Variants in CLVS1 observed in about 807,000 individuals in gnomAD.
CLVS1 encodes clavesin-1.
Under a neutral mutation model 33.1 loss-of-function variants are expected in CLVS1, and 10 were observed. The ratio of observed to expected loss-of-function variants is 0.30; its 90% confidence interval spans 0.19 to 0.51. The LOEUF (loss-of-function observed/expected upper bound fraction) is 0.51. CLVS1 is among the 20% of genes least tolerant of loss of function. CLVS1 has a pLI of 0.97. For synonymous variants in CLVS1, 163 were observed against 166.1 expected (o/e 0.98, Z 0.14); for missense variants, 343 against 433.4 (o/e 0.79, Z 1.85).
chr8:61,277,148 G>A (rs1247624629), intron 2 of CLVS1, among the ~76,000 whole-genome samples: 1 of 152,090 alleles, frequency 6.6e-6, no homozygotes, highest in Non-Finnish European at 1.5e-5. Context: ...AGTATACCAG[G>A]CATGTTCTAA....
At position 61,063,464 on chromosome 8, in the gene CLVS1, C is replaced by T. The variant is rs1011562287; in HGVS notation, c.-243+6234C>T. ...GAGACAGGGACCTGTGCACGTCAAGCGCAGAGACATCTAGAAGCGACACAG... is the reference window on the plus strand; with the variant it reads ...GAGACAGGGACCTGTGCACGTCAAGTGCAGAGACATCTAGAAGCGACACAG... On this transcript the variant is annotated intron_variant, in intron 1 of 2. Transcript: ENST00000522621. 6.6e-5 allele frequency among the ~76,000 whole-genome samples: 10 copies of T among 152,016 alleles called. 1 individual carries two copies. The highest frequency in any genetic ancestry group is 2.1e-4 in the South Asian group (1 of 4,810).
chr8:61,072,802 A>G (rs1001245407), intron 1 of CLVS1, among the ~76,000 whole-genome samples: 1 of 152,256 alleles, frequency 6.6e-6, no homozygotes, highest in Admixed American at 6.5e-5. Flanking sequence ...GCTAGAGAAC[A>G]AACCATTTTC....
intron 3 of CLVS1, among the ~76,000 whole-genome samples, chr8:61,433,941 T>TA (rs112113590): frequency 1.5e-3 from 219 of 141,936 alleles, no homozygotes; most frequent in African/African-American, 1.4e-3. Flanking sequence ...TATCATTCAT[T>TA]AAAAAAAAAA....
chr8:61,129,788 C>T (rs1806053936), intron 1 of CLVS1, among the ~76,000 whole-genome samples: 2 of 152,200 alleles, frequency 1.3e-5, no homozygotes, highest in African/African-American at 2.4e-5. Flanking sequence ...AGTATCATCA[C>T]CTTGGAGGTT....
chr8:61,321,649 G>T (rs1265623829), intron 2 of CLVS1, among the ~76,000 whole-genome samples: 1 of 152,044 alleles, frequency 6.6e-6, no homozygotes, highest in Non-Finnish European at 1.5e-5. Context: ...TGCTATACAG[G>T]TCTATGCAGT....
intron 2 of CLVS1, among the ~76,000 whole-genome samples, chr8:61,368,163 GA>G (rs1813291502): frequency 6.6e-6 from 1 of 152,190 alleles, no homozygotes; most frequent in South Asian, 2.1e-4. Context: ...AACATCTAGG[GA>G]AATTAACTGT....
At chr8:61,392,161 T>G (rs1814328542) in intron 3 of CLVS1, among the ~76,000 whole-genome samples, 1 of 152,142 alleles carries the variant, frequency 6.6e-6, no homozygotes, top group Non-Finnish European at 1.5e-5. Flanking sequence ...AGACTCCATC[T>G]TTACACAAAA....
chr8:61,074,293 C>G (rs1804858472), intron 1 of CLVS1, among the ~76,000 whole-genome samples: 1 of 149,122 alleles, frequency 6.7e-6, no homozygotes, highest in Non-Finnish European at 1.5e-5. Context: ...AACCATGATC[C>G]CATCACTGCA....
intron 2 of CLVS1, among the ~76,000 whole-genome samples, chr8:61,166,416 G>A (rs565019539): frequency 1.2e-4 from 19 of 152,068 alleles, no homozygotes; most frequent in Non-Finnish European, 2.2e-4. Context: ...TTACACGTGT[G>A]AGCCACCGTG....
chr8:61,223,176 C>T (rs1054153249), intron 2 of CLVS1, among the ~76,000 whole-genome samples: 49 of 152,076 alleles, frequency 3.2e-4, no homozygotes, highest in African/African-American at 9.2e-4. Context: ...AGCCCATTTA[C>T]ATTTAAGGTT....
chr8:61,252,158 C>T (rs997198453), intron 2 of CLVS1, among the ~76,000 whole-genome samples: 1 of 152,082 alleles, frequency 6.6e-6, no homozygotes, highest in Non-Finnish European at 1.5e-5. Context: ...TTATTTCTGC[C>T]TTCATTTTGT....
At chr8:60,995,371 T>C in the CLVS1 span, among the ~76,000 whole-genome samples, 2,934 of 151,888 alleles carry the variant, frequency 0.019, 82 homozygotes, top group African/African-American at 0.062. Context: ...AGACACTTCT[T>C]AAAAGAAGAC....
At chr8:61,178,784 C>T (rs2129300018) in intron 2 of CLVS1, among the ~76,000 whole-genome samples, 1 of 152,224 alleles carries the variant, frequency 6.6e-6, no homozygotes, top group South Asian at 2.1e-4. Context: ...CCTTTCCAGA[C>T]AAGCAAATGC....
chr8:61,012,631 G>A, the CLVS1 span, among the ~76,000 whole-genome samples: 2 of 152,188 alleles, frequency 1.3e-5, no homozygotes, highest in Non-Finnish European at 2.9e-5. Context: ...GAGGGCCAAT[G>A]TTTAGGGGTA....
Position 61,239,335 on chromosome 8 carries a change from T to C in CLVS1, c.-151-60342T>C, listed in dbSNP as rs148959675. 7.6e-3 allele frequency among the ~76,000 whole-genome samples: 1,163 copies of C among 152,338 alleles called. 16 individuals carry two copies. The highest frequency in any genetic ancestry group is 0.026 in the African/African-American group (1,090 of 41,574). ...TGGAATCACATGTAGAATTTCTGCA[T>C]ATTTCTTTTGTGATTTCTTTTATTG... On this transcript the variant is annotated intron_variant, in intron 2 of 2. Transcript: ENST00000522621.
chr8:61,389,585 C>A (rs934317174), intron 3 of CLVS1, among the ~76,000 whole-genome samples: 1 of 151,766 alleles, frequency 6.6e-6, no homozygotes, highest in Non-Finnish European at 1.5e-5. Flanking sequence ...GGAAGAAACA[C>A]GAATAACATA....
At chr8:61,017,782 TG>T in the CLVS1 span, among the ~76,000 whole-genome samples, 1 of 152,116 alleles carries the variant, frequency 6.6e-6, no homozygotes, top group Non-Finnish European at 1.5e-5. Context: ...AGATCAGGGC[TG>T]GGGGGGCTCC....
chr8:61,446,121 T>C (rs1816752015), intron 3 of CLVS1, among the ~76,000 whole-genome samples: 1 of 152,152 alleles, frequency 6.6e-6, no homozygotes, highest in Non-Finnish European at 1.5e-5. Context: ...CTTTGTTTCA[T>C]AGATTTTATT....
intron 2 of CLVS1, among the ~76,000 whole-genome samples, chr8:61,163,177 A>G (rs905188643): frequency 1.3e-5 from 2 of 152,194 alleles, no homozygotes; most frequent in East Asian, 3.8e-4. Context: ...GACCAGAGAC[A>G]CTGCACAGAC....
Sources: allele counts gnomAD v4.1 joint callset (sites outside exome capture counted in the v4.1 genomes callset), GRCh38; gene constraint gnomAD v4.1.1; transcripts MANE v1.5; gene names NCBI Gene and HGNC (gene_info 2026-07-23, HGNC 2026-07-21).